FANCA: variants seen among roughly 807,000 people sequenced by gnomAD.
The protein encoded by FANCA is FA complementation group A.
FANCA carries 236 observed loss-of-function variants against 194.3 expected under a neutral mutation model. The ratio of observed to expected loss-of-function variants is 1.21; its 90% confidence interval spans 1.09 to 1.35. The LOEUF is 1.35. Ranked by LOEUF, FANCA falls within the 40% of genes most tolerant of loss-of-function variation. The pLI is 0.00. For synonymous variants in FANCA, 1,014 were observed against 715.8 expected (o/e 1.42, Z -6.65); for missense variants, 2,628 against 1,813.9 (o/e 1.45, Z -8.15).
chr16:89,753,128 C>T (rs199609448), intron 30 of FANCA, among the ~76,000 whole-genome samples: 2 of 152,166 alleles, frequency 1.3e-5, no homozygotes, highest in Non-Finnish European at 2.9e-5. Context: ...GAAATAATGG[C>T]GTAAGCTGTC....
rs1460344346 is a variant in FANCA at position 89,738,166 on chromosome 16, C to G, written c.*435G>C. ...ACAGACCCAGGACAAGGCCCTGCCCCTGGAGGCGGAACCACCACCTGGGCC... is the reference window on the plus strand; with the variant it reads ...ACAGACCCAGGACAAGGCCCTGCCCGTGGAGGCGGAACCACCACCTGGGCC... On this transcript the variant is annotated 3_prime_UTR_variant, in exon 43 of 43. Coordinates refer to ENST00000389301, the MANE Select transcript of FANCA (RefSeq NM_000135.4). The G allele has an allele frequency of 6.2e-7, 1 of 1,613,076 alleles. No individual in the cohort carries two copies. Among genetic ancestry groups the G allele is most frequent in the Non-Finnish European group, 8.5e-7 (1 of 1,179,910 alleles).
chr16:89,814,986 G>T (rs961629123), intron 2 of FANCA, among the ~76,000 whole-genome samples: 1 of 152,054 alleles, frequency 6.6e-6, no homozygotes, highest in Admixed American at 6.6e-5. Flanking sequence ...AAAAATTCAA[G>T]ATCTGTGCAT....
intron 11 of FANCA, among the ~76,000 whole-genome samples, chr16:89,795,551 T>A (rs1032838983): frequency 1.3e-5 from 2 of 151,938 alleles, no homozygotes; most frequent in African/African-American, 4.8e-5. Context: ...GACACGAGAA[T>A]TGCTTGAACC....
At chr16:89,775,949 C>T in intron 20 of FANCA, 134 bp from the exon 21 acceptor site, 3 of 447,588 alleles carry the variant, frequency 6.7e-6, no homozygotes, top group Non-Finnish European at 1.2e-5. Flanking sequence ...CAGTATGAGC[C>T]TGTTTTTACA....
rs759763556 is a variant in FANCA, at chr16:89,811,021, G to A, written c.334C>T (p.Leu112Phe). 5 of 1,614,046 alleles carry A rather than the reference G, an allele frequency of 3.1e-6. No individual in the cohort carries two copies. The South Asian group carries it at 4.4e-5, about 14-fold the overall frequency. ...ASRLGVPVGILSAGMVASSVG... is the reference protein window; with the variant it reads ...ASRLGVPVGIFSAGMVASSVG... ...CTAGAGGCAACCATCCCGGCTGAGA[G>A]AATACCCACGGGAACCCCCAGCCTT... Residue 112 changes from leucine to phenylalanine, a missense_variant, in exon 4 of 43, where the codon CTC (leucine) becomes TTC (phenylalanine). Leu to Phe is a conservative substitution (Grantham distance 22, BLOSUM62 0). Transcript: ENST00000389301.
At position 89,738,353 on chromosome 16, in the gene FANCA, C is replaced by T; in HGVS notation, c.*248G>A. On this transcript the variant is annotated 3_prime_UTR_variant, in exon 43 of 43. Transcript: ENST00000389301. ...TGGGAGGGTCGGAGGGTGCTGCCCG[C>T]CCTTGGTGCTGGAGGCGGGCTTGGT... The T allele has an allele frequency of 6.8e-7, 1 of 1,475,992 alleles. No individual in the cohort carries two copies. Among genetic ancestry groups the T allele is most frequent in the Non-Finnish European group, 9.0e-7 (1 of 1,109,158 alleles). The allele number at this position is 1,475,992 out of a possible 1,614,324, so 91.4% of individuals were successfully genotyped here. A position where few individuals can be genotyped will look rare whatever the true frequency, so the allele number is the denominator to read the frequency against.
chr16:89,738,819 G>A (rs747917354), intron 42 of FANCA, 63 bp downstream of exon 42: 5 of 1,614,034 alleles, frequency 3.1e-6, no homozygotes, highest in Middle Eastern at 3.3e-4. Flanking sequence ...GCAGGCACAT[G>A]GCCCAGGCAG....
In FANCA at chr16:89,810,712, T is replaced by G; in HGVS notation, c.517A>C (p.Ile173Leu). 2 of 1,602,402 alleles carry G rather than the reference T, an allele frequency of 1.2e-6. No individual in the cohort carries two copies. The highest frequency in any genetic ancestry group is 1.7e-6 in the Non-Finnish European group (2 of 1,169,408). ...ATTTGCAATCTCAAATTTACCTGTA[T>G]TTTCCATAATTCTTGACAGAAGGAA... Reference protein sequence around the residue: ...RLSFCQELWKIQSSLLLEAVW... With the variant: ...RLSFCQELWKLQSSLLLEAVW... Residue 173 changes from isoleucine to leucine, a missense_variant, in exon 5 of 43, where the codon ATA (isoleucine) becomes CTA (leucine). Ile to Leu is a conservative substitution (Grantham distance 5, BLOSUM62 2). Coordinates refer to ENST00000389301, the MANE Select transcript of FANCA (RefSeq NM_000135.4).
intron 20 of FANCA, 21 bp downstream of exon 20, chr16:89,778,780 C>T: frequency 6.2e-7 from 1 of 1,611,796 alleles, no homozygotes; most frequent in Non-Finnish European, 8.5e-7. Flanking sequence ...TAGTCATCCC[C>T]TTCTAACCGT....
At chr16:89,791,369 C>G in intron 14 of FANCA, 34 bp downstream of exon 14, 1 of 1,611,140 alleles carries the variant, frequency 6.2e-7, no homozygotes. Context: ...CTGGGAAGAT[C>G]AGGTATTAGG....
At chr16:89,795,880 C>A (rs772674046) in intron 11 of FANCA, 26 bp downstream of exon 11, 8 of 1,562,092 alleles carry the variant, frequency 5.1e-6, no homozygotes, top group African/African-American at 2.7e-5. Flanking sequence ...TGGGTAGCAA[C>A]TGAGCAGCCT....
intron 10 of FANCA, 57 bp from the exon 11 acceptor site, chr16:89,796,075 A>T: frequency 7.6e-7 from 1 of 1,320,832 alleles, no homozygotes; most frequent in Non-Finnish European, 1.1e-6. Flanking sequence ...CACGCCACCC[A>T]CCAATCCCAG....
chr16:89,738,280 T>C lies in FANCA; in HGVS notation c.*321A>G. 5 of 1,559,956 alleles carry C rather than the reference T, an allele frequency of 3.2e-6. No homozygotes were observed. Among genetic ancestry groups the C allele is most frequent in the Non-Finnish European group, 4.3e-6 (5 of 1,154,094 alleles). On this transcript the variant is annotated 3_prime_UTR_variant, in exon 43 of 43. Transcript: ENST00000389301. ...GTGAGGATGAGCACCTCTAGCAGCC[T>C]GGACTCCGCAGTGGCTGTGTCAGCC...
intron 26 of FANCA, among the ~76,000 whole-genome samples, chr16:89,767,877 G>C (rs1259635943): frequency 1.3e-5 from 2 of 152,108 alleles, no homozygotes; most frequent in African/African-American, 4.8e-5. Flanking sequence ...GTAGAGACGG[G>C]GTTTCCCCAT....
At chr16:89,751,495 C>T (rs1159199839) in intron 31 of FANCA, among the ~76,000 whole-genome samples, 3 of 152,046 alleles carry the variant, frequency 2.0e-5, no homozygotes, top group Admixed American at 6.6e-5. Flanking sequence ...ATTATGATTA[C>T]AATTAAGAGG....
In FANCA at chr16:89,770,631, C is replaced by A. The variant is rs933181640; in HGVS notation, c.2155G>T (p.Val719Leu). 1.2e-6 allele frequency: 2 copies of A among 1,608,704 alleles called. No individual in the cohort carries two copies. The highest frequency in any genetic ancestry group is 2.7e-5 in the African/African-American group (2 of 74,844). The change falls in exon 24 of 43, where the codon GTG (valine) becomes TTG (leucine). Residue 719 changes from valine to leucine, a missense_variant. Transcript: ENST00000389301. ...PRLEPREHMAVDLLLTSFCQN... is the reference protein window; with the variant it reads ...PRLEPREHMALDLLLTSFCQN... ...CAGAAAGACGTCAGCAGGAGGTCCA[C>A]AGCCTGCAGAGACACAGTTCTCATG... is the stretch of plus-strand genomic sequence containing the variant.
At chr16:89,789,809 C>G (rs2238531) in intron 14 of FANCA, among the ~76,000 whole-genome samples, 8,997 of 152,212 alleles carry the variant, frequency 0.059, 412 homozygotes, top group East Asian at 0.21. Flanking sequence ...AAAGAGAAAC[C>G]ATGGCGGTCC....
chr16:89,749,529 A>G (rs1293161103), intron 32 of FANCA, among the ~76,000 whole-genome samples: 1 of 152,218 alleles, frequency 6.6e-6, no homozygotes, highest in African/African-American at 2.4e-5. Flanking sequence ...GCTTGGCTGG[A>G]AGGTTTTAAT....
intron 10 of FANCA, among the ~76,000 whole-genome samples, chr16:89,797,462 C>T (rs1394678740): frequency 6.6e-6 from 1 of 152,200 alleles, no homozygotes; most frequent in Admixed American, 6.5e-5. Context: ...GGGTGTGGGA[C>T]ATCGTGGAGA....
Sources: allele counts gnomAD v4.1 joint callset (sites outside exome capture counted in the v4.1 genomes callset), GRCh38; gene constraint gnomAD v4.1.1; transcripts MANE v1.5; gene names NCBI Gene and HGNC (gene_info 2026-07-23, HGNC 2026-07-21).